ADGRF5: variants seen among roughly 807,000 people sequenced by gnomAD.
ADGRF5 encodes the protein G-protein coupled receptor 116.
A neutral mutation model predicts 132.3 loss-of-function variants in ADGRF5; 75 were observed. The ratio of observed to expected loss-of-function variants is 0.57; its 90% CI spans 0.47 to 0.69. ADGRF5 has a LOEUF of 0.69. ADGRF5 is among the 30% of genes least tolerant of loss of function. ADGRF5 has a pLI of 0.00. For synonymous variants in ADGRF5, 629 were observed against 597.6 expected (o/e 1.05, Z -0.77); for missense variants, 1,516 against 1,630.6 (o/e 0.93, Z 1.21).
intron 1 of ADGRF5, among the ~76,000 whole-genome samples, chr6:46,932,110 T>C (rs1445666201): frequency 6.6e-6 from 1 of 152,198 alleles, no homozygotes; most frequent in Non-Finnish European, 1.5e-5. Context: ...TGTGATTTAG[T>C]AGGCATATTT....
intron 1 of ADGRF5, among the ~76,000 whole-genome samples, chr6:46,917,549 T>C (rs1347140003): frequency 6.6e-6 from 1 of 152,220 alleles, no homozygotes; most frequent in Non-Finnish European, 1.5e-5. Flanking sequence ...ATAGGATTAT[T>C]GGAACAACTA....
At chr6:46,942,322 T>C (rs1162576792) in intron 1 of ADGRF5, among the ~76,000 whole-genome samples, 2 of 152,228 alleles carry the variant, frequency 1.3e-5, no homozygotes, top group African/African-American at 4.8e-5. Flanking sequence ...CTTAGCGCAG[T>C]ATCTGGCACA....
intron 1 of ADGRF5, among the ~76,000 whole-genome samples, chr6:46,946,604 G>A (rs1778311036): frequency 6.6e-6 from 1 of 152,144 alleles, no homozygotes; most frequent in African/African-American, 2.4e-5. Flanking sequence ...CCAATAAGAG[G>A]TGAGCCTAGT....
chr6:46,880,180 T>G, intron 8 of ADGRF5, 141 bp from the exon 9 acceptor site: 3 of 647,522 alleles, frequency 4.6e-6, no homozygotes, highest in Non-Finnish European at 8.3e-6. Flanking sequence ...ATGTGTCTCC[T>G]CACTCCATTC....
intron 1 of ADGRF5, among the ~76,000 whole-genome samples, chr6:46,942,345 G>T (rs1321919903): frequency 6.6e-6 from 1 of 152,200 alleles, no homozygotes; most frequent in African/African-American, 2.4e-5. Flanking sequence ...GTAGTCAGGT[G>T]CTTAATCTGT....
rs117480897 is a variant in ADGRF5, at chr6:46,909,606, T to C, written c.-24-2820A>G. 1.6e-4 allele frequency among the ~76,000 whole-genome samples: 25 copies of C among 152,348 alleles called. No individual in the cohort carries two copies. The East Asian group carries it at 4.2e-3, about 26-fold the overall frequency. The stretch of plus-strand genomic sequence containing the variant: ...CTGGGTTCCCTGAAGCCACCATTAA[T>C]GGCATTCTCTTGCAGAGTGATTATG... On this transcript the variant is annotated intron_variant, in intron 1 of 20. Coordinates refer to ENST00000283296, the MANE Select transcript of ADGRF5 (RefSeq NM_001098518.2).
intron 9 of ADGRF5, 123 bp from the exon 10 acceptor site, chr6:46,878,528 A>T: frequency 1.5e-6 from 1 of 674,836 alleles, no homozygotes; most frequent in Admixed American, 2.7e-5. Flanking sequence ...AGCATCTGAG[A>T]CTTGGTCTAA....
intron 10 of ADGRF5, among the ~76,000 whole-genome samples, chr6:46,875,192 A>C (rs965380992): frequency 3.9e-5 from 6 of 152,172 alleles, no homozygotes; most frequent in African/African-American, 1.4e-4. Context: ...AAAAGGCTCC[A>C]AAGAGGTGGT....
At chr6:46,865,009 A>G (rs1770251460) in intron 14 of ADGRF5, 33 bp downstream of exon 14, 7 of 1,482,476 alleles carry the variant, frequency 4.7e-6, no homozygotes, top group Non-Finnish European at 6.5e-6. Context: ...TGCCCTGACT[A>G]TAACATCTTA....
At chr6:46,953,618 G>A (rs1327838068) in intron 1 of ADGRF5, among the ~76,000 whole-genome samples, 9 of 108,452 alleles carry the variant, frequency 8.3e-5, no homozygotes, top group South Asian at 3.1e-4. Flanking sequence ...CACAGTCTCA[G>A]AAAAAAAAAA....
chr6:46,869,216 G>A, intron 11 of ADGRF5, 124 bp from the exon 12 acceptor site: 1 of 1,499,058 alleles, frequency 6.7e-7, no homozygotes, highest in Admixed American at 2.3e-5. Flanking sequence ...GAACCATCCT[G>A]ACTCTACTCA....
chr6:46,883,341 C>T (rs1772693032), intron 6 of ADGRF5, among the ~76,000 whole-genome samples: 1 of 152,146 alleles, frequency 6.6e-6, no homozygotes, highest in Non-Finnish European at 1.5e-5. Flanking sequence ...CAGTTCCACC[C>T]TGAGAAAAAT....
At chr6:46,939,418 A>G (rs2150942064) in intron 1 of ADGRF5, among the ~76,000 whole-genome samples, 1 of 152,290 alleles carries the variant, frequency 6.6e-6, no homozygotes, top group East Asian at 1.9e-4. Context: ...TTGTGAAGAC[A>G]CACAGTAAAT....
At chr6:46,866,817 T>C (rs1043978415) in intron 13 of ADGRF5, 108 bp downstream of exon 13, 3 of 657,650 alleles carry the variant, frequency 4.6e-6, no homozygotes, top group Admixed American at 2.8e-5. Flanking sequence ...CTGTTAATTC[T>C]ATCTCTGATA....
chr6:46,859,272 G>C lies in ADGRF5; in HGVS notation c.2631C>G (p.Leu877=). The C allele has an allele frequency of 6.2e-7, 1 of 1,614,030 alleles. No homozygotes were observed. The highest frequency in any genetic ancestry group is 8.5e-7 in the Non-Finnish European group (1 of 1,179,926). Reference sequence around the variant, plus strand: ...TCTTGTCAATGACCACATTGCCCCAGAGGTCAAAGTATGGGAAAACAAACC... The same window carrying C: ...TCTTGTCAATGACCACATTGCCCCACAGGTCAAAGTATGGGAAAACAAACC... ...QQRFVFPYFD[L]WGNVVIDKSY... The change falls in exon 17 of 21, where the codon CTC becomes CTG. Residue 877 remains leucine (L), a synonymous_variant. Coordinates refer to ENST00000283296, the MANE Select transcript of ADGRF5 (RefSeq NM_001098518.2).
intron 1 of ADGRF5, among the ~76,000 whole-genome samples, chr6:46,941,933 G>A (rs1561839385): frequency 6.6e-6 from 1 of 152,166 alleles, no homozygotes; most frequent in African/African-American, 2.4e-5. Flanking sequence ...AATAAAAAGT[G>A]TATTTATGGT....
chr6:46,883,969 T>C (rs1289598331), intron 5 of ADGRF5, 126 bp downstream of exon 5: 6 of 842,774 alleles, frequency 7.1e-6, no homozygotes, highest in African/African-American at 1.7e-5. Context: ...GTCAAAGTCC[T>C]GACCACAGGT....
intron 1 of ADGRF5, among the ~76,000 whole-genome samples, chr6:46,934,560 T>C (rs1777725579): frequency 1.3e-5 from 2 of 152,200 alleles, no homozygotes; most frequent in African/African-American, 4.8e-5. Context: ...TAAACAAAAA[T>C]AAAAACTCTA....
intron 9 of ADGRF5, 75 bp from the exon 10 acceptor site, chr6:46,878,480 T>C (rs886889889): frequency 2.4e-5 from 22 of 906,178 alleles, no homozygotes; most frequent in Non-Finnish European, 3.5e-5. Flanking sequence ...CGTCAGCTCA[T>C]GGATCATGAC....
Sources: gnomAD v4.1 joint callset for allele counts (sites outside exome capture counted in the v4.1 genomes callset) on GRCh38, gnomAD v4.1.1 for gene constraint, MANE v1.5 for transcripts, NCBI Gene and HGNC (gene_info 2026-07-23, HGNC 2026-07-21) for gene names.